NTNG2: variants seen among roughly 807,000 people sequenced by gnomAD.
NTNG2 encodes netrin-G2.
In NTNG2, 15 loss-of-function variants were observed where a neutral mutation model predicts 47.6. The observed-to-expected ratio is 0.32, with a 90% CI of 0.21 to 0.49. The LOEUF is 0.49. Ranked by LOEUF, NTNG2 falls within the 20% of genes least tolerant of loss-of-function variation. The probability of loss-of-function intolerance (pLI) is 0.99; values close to 1 mark genes in which losing one functional copy is unlikely to be tolerated. For synonymous variants in NTNG2, 307 were observed against 324.6 expected (o/e 0.95, Z 0.58); for missense variants, 578 against 764.6 (o/e 0.76, Z 2.88).
intron 4 of NTNG2, among the ~76,000 whole-genome samples, chr9:132,229,447 C>T: frequency 6.6e-6 from 1 of 152,280 alleles, no homozygotes; most frequent in South Asian, 2.1e-4. Context: ...GCAGCCCTCA[C>T]TCCCGATGCC....
rs1434682808 is a variant in NTNG2 at position 132,226,830 on chromosome 9, C to CCTCT, written c.858-17_858-14dup. ...CCCACAAGCTCTCTGACATCTCTGC[C>CCTCT]CTCTCGGTGTCTCCCCAGGTGCAAG... On this transcript the variant is annotated intron_variant, in intron 3 of 7. Coordinates refer to ENST00000393229, the MANE Select transcript of NTNG2 (RefSeq NM_032536.4). The surrounding 1 kb of genome is among the most constrained non-coding windows in gnomAD (Gnocchi z 4.8). 1 of 1,570,336 alleles carries CCTCT rather than the reference C, an allele frequency of 6.4e-7. No individual in the cohort carries two copies. The highest frequency in any genetic ancestry group is 2.3e-5 in the East Asian group (1 of 43,078).
intron 4 of NTNG2, among the ~76,000 whole-genome samples, chr9:132,228,165 C>A (rs1589532417): frequency 6.6e-6 from 1 of 152,282 alleles, no homozygotes; most frequent in East Asian, 1.9e-4. Context: ...TGCACCCCAT[C>A]TGGGCATCCT....
intron 3 of NTNG2, among the ~76,000 whole-genome samples, chr9:132,203,528 G>C (rs1222444612): frequency 1.3e-5 from 2 of 152,148 alleles, no homozygotes; most frequent in Non-Finnish European, 2.9e-5. Flanking sequence ...AAAGGAAGGT[G>C]CACAGAAGTA....
Position 132,242,097 on chromosome 9 carries a change from C to T in NTNG2, c.1579C>T (p.Arg527Cys). 1 of 1,159,460 alleles carries T rather than the reference C, an allele frequency of 8.6e-7. No homozygotes were observed. The highest frequency in any genetic ancestry group is 1.1e-6 in the Non-Finnish European group (1 of 944,254). 71.8% of individuals were successfully genotyped at this position (1,159,460 alleles called of 1,614,324 possible). ...CCTGCTGCTGCTGGGGCTGGCCGCCCGCCTGGGCCGCTGAGCCCCGCCCGG... is the reference window on the plus strand; with the variant it reads ...CCTGCTGCTGCTGGGGCTGGCCGCCTGCCTGGGCCGCTGAGCCCCGCCCGG... The part of the protein sequence containing the change: ...GCLLLLGLAA[R>C]LGR The change falls in exon 8 of 8, where the codon CGC (arginine) becomes TGC (cysteine). Residue 527 changes from arginine to cysteine, a missense_variant. By Grantham distance (180) the Arg-to-Cys change is radical (BLOSUM62 -3). Coordinates refer to ENST00000393229, the MANE Select transcript of NTNG2 (RefSeq NM_032536.4). The surrounding 1 kb of genome is among the most constrained non-coding windows in gnomAD (Gnocchi z 5.9).
In NTNG2 at chr9:132,240,904, GT is replaced by G. The variant is rs1354687755; in HGVS notation, c.1223-5del. 2.0e-5 allele frequency: 33 copies of G among 1,612,704 alleles called. No individual in the cohort carries two copies. The highest frequency in any genetic ancestry group is 2.6e-5 in the Non-Finnish European group (31 of 1,179,828). On this transcript the variant is annotated splice_region_variant and splice_polypyrimidine_tract_variant and intron_variant, in intron 6 of 7. Transcript: ENST00000393229. The stretch of plus-strand genomic sequence containing the variant: ...TGACCGCGCGCCCGTGCCCGTGTCC[GT>G]CCAGAGTGTAACTGCAACCAGATAG...
At chr9:132,183,699 A>G (rs1054733597) in intron 2 of NTNG2, among the ~76,000 whole-genome samples, 5 of 152,236 alleles carry the variant, frequency 3.3e-5, no homozygotes, top group Admixed American at 2.6e-4. Context: ...CATCTGGCTC[A>G]GGGGCTCTTG....
chr9:132,217,854 G>T (rs960728397), intron 3 of NTNG2, among the ~76,000 whole-genome samples: 2 of 152,202 alleles, frequency 1.3e-5, no homozygotes, highest in Admixed American at 6.5e-5. Flanking sequence ...AGGGGATGGG[G>T]TTACCATCTC....
At chr9:132,212,283 A>C (rs1435356630) in intron 3 of NTNG2, among the ~76,000 whole-genome samples, 1 of 152,128 alleles carries the variant, frequency 6.6e-6, no homozygotes, top group African/African-American at 2.4e-5. Flanking sequence ...GGCCCTGGTC[A>C]TACCCACCGT....
intron 2 of NTNG2, among the ~76,000 whole-genome samples, chr9:132,177,950 C>T (rs1020691675): frequency 6.6e-6 from 1 of 152,226 alleles, no homozygotes; most frequent in Non-Finnish European, 1.5e-5. Context: ...AGCCACAGCG[C>T]CTGGCCTCAA....
chr9:132,207,502 C>A (rs1010938989), intron 3 of NTNG2, among the ~76,000 whole-genome samples: 1 of 152,246 alleles, frequency 6.6e-6, no homozygotes, highest in Non-Finnish European at 1.5e-5. Context: ...TCTCTTCCTA[C>A]AGGGACACCA....
rs186084602 is a variant in NTNG2 at position 132,216,635 on chromosome 9, A to T, written c.858-10214A>T. On this transcript the variant is annotated intron_variant, in intron 3 of 7. Coordinates refer to ENST00000393229, the MANE Select transcript of NTNG2 (RefSeq NM_032536.4). ...GTTCATTATTAAATCATCCTTTCTG[A>T]TGGATGAGCTGAAAAGTGCTGTGTC... 2.0e-5 allele frequency among the ~76,000 whole-genome samples: 3 copies of T among 151,992 alleles called. No individual in the cohort carries two copies. The East Asian group carries it at 5.8e-4, about 29-fold the overall frequency.
At position 132,242,162 on chromosome 9, in the gene NTNG2, C is replaced by A. The variant is rs573652089; in HGVS notation, c.*51C>A. ...ACCCGGAGGCCGGGGGTCCCGGGGT[C>A]CCGGGGCGGGGCCGGCGTCCGAGGC... On this transcript the variant is annotated 3_prime_UTR_variant, in exon 8 of 8. Coordinates refer to ENST00000393229, the MANE Select transcript of NTNG2 (RefSeq NM_032536.4). The surrounding 1 kb of genome is among the most constrained non-coding windows in gnomAD (Gnocchi z 5.9). 2.1e-6 allele frequency: 2 copies of A among 954,036 alleles called. No individual in the cohort carries two copies. The highest frequency in any genetic ancestry group is 5.0e-5 in the South Asian group (1 of 20,172). The allele number at this position is 954,036 out of a possible 1,614,324, so 59.1% of individuals were successfully genotyped here.
intron 4 of NTNG2, among the ~76,000 whole-genome samples, chr9:132,229,644 T>G (rs577966211): frequency 2.2e-4 from 33 of 152,006 alleles, no homozygotes; most frequent in Admixed American, 5.9e-4. Context: ...CCTCAGGGTC[T>G]AGCAGGTGGC....
rs1840379662 is a variant in NTNG2, at chr9:132,221,932, A to G, written c.858-4917A>G. ...GTTGATGGCAATCTTTTCTTTCGGT[A>G]GCTGATATCTAAAAATATCCCTTCC... On this transcript the variant is annotated intron_variant, in intron 3 of 7. Transcript: ENST00000393229. The surrounding 1 kb of genome is among the most constrained non-coding windows in gnomAD (Gnocchi z 4.2). Among the ~76,000 whole-genome samples, 1 of 152,242 alleles carries G rather than the reference A, an allele frequency of 6.6e-6. No homozygotes were observed. The highest frequency in any genetic ancestry group is 1.5e-5 in the Non-Finnish European group (1 of 68,040).
intron 2 of NTNG2, among the ~76,000 whole-genome samples, chr9:132,194,716 T>C (rs781714279): frequency 6.6e-5 from 10 of 152,340 alleles, no homozygotes; most frequent in Non-Finnish European, 1.2e-4. Context: ...TGAGGTTGCA[T>C]AGGGGCCTGA....
At chr9:132,171,776 C>T (rs117054716) in intron 2 of NTNG2, among the ~76,000 whole-genome samples, 2,873 of 152,326 alleles carry the variant, frequency 0.019, 38 homozygotes, top group Non-Finnish European at 0.031. Flanking sequence ...CTGCCTCCTG[C>T]CAGACCTTGA....
intron 2 of NTNG2, among the ~76,000 whole-genome samples, chr9:132,178,961 CAAAA>C (rs33967810): frequency 1.2e-5 from 1 of 82,318 alleles, no homozygotes; most frequent in African/African-American, 4.6e-5. Context: ...GACTCGGTCT[CAAAA>C]AAAAAAAAAA....
At chr9:132,179,249 C>T (rs193134592) in intron 2 of NTNG2, among the ~76,000 whole-genome samples, 70 of 152,360 alleles carry the variant, frequency 4.6e-4, no homozygotes, top group African/African-American at 1.6e-3. Flanking sequence ...CGGATGCCAC[C>T]TGCAGCCAGT....
At chr9:132,186,473 C>A (rs1837391941) in intron 2 of NTNG2, among the ~76,000 whole-genome samples, 1 of 152,246 alleles carries the variant, frequency 6.6e-6, no homozygotes. Flanking sequence ...CCGCCCACCA[C>A]ACTCTGGTGG....
Sources: allele counts gnomAD v4.1 joint callset (sites outside exome capture counted in the v4.1 genomes callset), GRCh38; gene constraint gnomAD v4.1.1; non-coding constraint Gnocchi (gnomAD v3.1); transcripts MANE v1.5; gene names NCBI Gene and HGNC (gene_info 2026-07-23, HGNC 2026-07-21).